PCDHGC4: variants seen among roughly 807,000 people sequenced by gnomAD.
The protein encoded by PCDHGC4 is protocadherin gamma-C4.
PCDHGC4 carries 15 observed loss-of-function variants against 59.7 expected under a neutral mutation model. The observed-to-expected ratio is 0.25, with a 90% CI of 0.17 to 0.39. The LOEUF (loss-of-function observed/expected upper bound fraction) is 0.39. Ranked by LOEUF, PCDHGC4 falls within the 10% of genes least tolerant of loss-of-function variation. PCDHGC4 has a pLI of 1.00. For synonymous variants in PCDHGC4, 434 were observed against 481.4 expected, an observed-to-expected ratio of 0.90 and a Z score of 1.29; for missense variants, 1,016 against 1,189.5, an observed-to-expected ratio of 0.85 and a Z score of 2.15.
chr5:141,507,075 C>T (rs1006779614), intron 3 of PCDHGC4: 25 of 152,176 alleles, frequency 1.6e-4, no homozygotes, highest in Admixed American at 1.1e-3. Context: ...CCTGGCTCAA[C>T]TCCTAAGTTT....
In PCDHGC4 at chr5:141,487,086, TCCCACCACAGAAG is replaced by T. The variant is rs2099639456; in HGVS notation, c.1915_1927del (p.Pro639TrpfsTer5). 6.2e-7 allele frequency: 1 copy of T among 1,613,822 alleles called. No homozygotes were observed. ...ACGGCTGTTCCTATCCCAGCTGACC[TCCCACCACAGAAG>T]CTGGTCATTGTGGTAAAGGATAGTG... On this transcript the variant is annotated frameshift_variant, in exon 1 of 4. Coordinates refer to ENST00000306593, the MANE Select transcript of PCDHGC4 (RefSeq NM_018928.3). LOFTEE classifies it high-confidence loss of function. The surrounding 1 kb of genome is among the most constrained non-coding windows in gnomAD (Gnocchi z 5.0).
chr5:141,490,793 C>T lies in PCDHGC4; in HGVS notation c.2442+3178C>T, dbSNP rs2233608. 6 of 1,613,812 alleles carry T rather than the reference C, an allele frequency of 3.7e-6. No homozygotes were observed. The East Asian group carries it at 1.3e-4, about 36-fold the overall frequency. On this transcript the variant is annotated intron_variant, in intron 1 of 3. Transcript: ENST00000306593. This position sits in a 1 kb window ranked among gnomAD's most constrained non-coding sequence, Gnocchi z 5.4. Reference sequence around the variant, plus strand: ...AACCCAGAGGATGGACGGATCTTTGCCCAGCGTACCTTTGACTATGAATTG... The same window carrying T: ...AACCCAGAGGATGGACGGATCTTTGTCCAGCGTACCTTTGACTATGAATTG...
Position 141,490,850 on chromosome 5 carries a change from G to A in PCDHGC4, c.2442+3235G>A, listed in dbSNP as rs374508743. The A allele has an allele frequency of 7.2e-5, 116 of 1,613,706 alleles. No homozygotes were observed. The highest frequency in any genetic ancestry group is 9.5e-5 in the Non-Finnish European group (112 of 1,179,902). ...ATGCTGCAGATTGTGGTGGGGGTTC[G>A]AGACTCCGGCTCTCCCCCATTGCAT... On this transcript the variant is annotated intron_variant, in intron 1 of 3. Transcript: ENST00000306593. This position sits in a 1 kb window ranked among gnomAD's most constrained non-coding sequence, Gnocchi z 5.4.
At chr5:141,507,121 G>A (rs940889204) in intron 3 of PCDHGC4, 1 of 152,126 alleles carries the variant, frequency 6.6e-6, no homozygotes, top group African/African-American at 2.4e-5. Flanking sequence ...GGCTGCCTTT[G>A]GATCCAGCCT....
Position 141,511,035 on chromosome 5 carries a change from C to A in PCDHGC4, c.2679C>A (p.His893Gln). Residue 893 changes from histidine to glutamine, a missense_variant, in exon 4 of 4, where the codon CAC becomes CAA. Physicochemically the swap from His to Gln is conservative, Grantham distance 24 (BLOSUM62 0). Transcript: ENST00000306593. The stretch of plus-strand genomic sequence containing the variant: ...ACGGACCCCAGTTCACCCTGCAGCA[C>A]GTGCCCGACTACCGCCAGAATGTCT... ...ARYGPQFTLQ[H>Q]VPDYRQNVYI... 2 of 1,614,208 alleles carry A rather than the reference C, an allele frequency of 1.2e-6. No individual in the cohort carries two copies. The highest frequency in any genetic ancestry group is 1.1e-5 in the South Asian group (1 of 91,088).
At chr5:141,495,010 G>T (rs1327870362) in intron 2 of PCDHGC4, 145 bp downstream of exon 2, 1 of 1,516,970 alleles carries the variant, frequency 6.6e-7, no homozygotes, top group Non-Finnish European at 8.9e-7. Flanking sequence ...GTGTGCGGGG[G>T]GCTGGCACAC....
chr5:141,495,005 C>CG (rs2099758180), intron 2 of PCDHGC4, 140 bp downstream of exon 2: 6 of 1,522,802 alleles, frequency 3.9e-6, no homozygotes, highest in Admixed American at 2.0e-5. Context: ...TCTTGGTGTG[C>CG]GGGGGGCTGG....
At position 141,489,545 on chromosome 5, in the gene PCDHGC4, G is replaced by A. The variant is rs1396651116; in HGVS notation, c.2442+1930G>A. On this transcript the variant is annotated intron_variant, in intron 1 of 3. Transcript: ENST00000306593. The surrounding 1 kb of genome is among the most constrained non-coding windows in gnomAD (Gnocchi z 4.5). ...AGCCTATGTGGAGCCAGCACCAGCT[G>A]CCTGCTGCCAGTGCAGGTGGTGACT... 3 of 1,613,984 alleles carry A rather than the reference G, an allele frequency of 1.9e-6. No individual in the cohort carries two copies. The highest frequency in any genetic ancestry group is 2.5e-6 in the Non-Finnish European group (3 of 1,180,022).
chr5:141,508,091 GCCC>G (rs2099866180), intron 3 of PCDHGC4: 1 of 152,482 alleles, frequency 6.6e-6, no homozygotes, highest in Non-Finnish European at 1.5e-5. Flanking sequence ...TGCTGCCTTG[GCCC>G]TGGGATGGGG....
At chr5:141,509,544 A>AT (rs1312201678) in intron 3 of PCDHGC4, among the ~76,000 whole-genome samples, 1 of 152,150 alleles carries the variant, frequency 6.6e-6, no homozygotes, top group Non-Finnish European at 1.5e-5. Context: ...GCACCATCTC[A>AT]TTTAGTCCTC....
chr5:141,489,101 T>G lies in PCDHGC4; in HGVS notation c.2442+1486T>G. 1 of 398,408 alleles carries G rather than the reference T, an allele frequency of 2.5e-6. No homozygotes were observed. Among genetic ancestry groups the G allele is most frequent in the Non-Finnish European group, 4.5e-6 (1 of 223,328 alleles). The allele number at this position is 398,408 out of a possible 1,614,324, so 24.7% of individuals were successfully genotyped here. On this transcript the variant is annotated intron_variant, in intron 1 of 3. Transcript: ENST00000306593. The surrounding 1 kb of genome is among the most constrained non-coding windows in gnomAD (Gnocchi z 4.5). Reference sequence around the variant, plus strand: ...CCGCCACTCGGTGACTAAGAACTGCTGCAAGCAGGCAAACCTCCGAGCAGT... The same window carrying G: ...CCGCCACTCGGTGACTAAGAACTGCGGCAAGCAGGCAAACCTCCGAGCAGT...
intron 2 of PCDHGC4, among the ~76,000 whole-genome samples, chr5:141,496,410 A>G (rs77823969): frequency 0.019 from 2,839 of 152,308 alleles, 40 homozygotes; most frequent in Middle Eastern, 0.082. Context: ...ATGGTTGAGT[A>G]CTTGCTGTCC....
chr5:141,511,230 C>A lies in PCDHGC4; in HGVS notation c.*57C>A. On this transcript the variant is annotated 3_prime_UTR_variant, in exon 4 of 4. Transcript: ENST00000306593. ...CCTCTCCCCAACCAGCCCAGCTTCT[C>A]CTTACCTGCACCCAGGCCTCAGAGT... 6.3e-7 allele frequency: 1 copy of A among 1,597,914 alleles called. No homozygotes were observed. The highest frequency in any genetic ancestry group is 1.1e-5 in the South Asian group (1 of 89,144).
intron 2 of PCDHGC4, 143 bp downstream of exon 2, chr5:141,495,008 G>A (rs2099758236): frequency 6.6e-7 from 1 of 1,521,900 alleles, no homozygotes; most frequent in Non-Finnish European, 8.8e-7. Context: ...TGGTGTGCGG[G>A]GGGCTGGCAC....
At position 141,489,505 on chromosome 5, in the gene PCDHGC4, A is replaced by G. The variant is rs1198371307; in HGVS notation, c.2442+1890A>G. On this transcript the variant is annotated intron_variant, in intron 1 of 3. Transcript: ENST00000306593. The surrounding 1 kb of genome is among the most constrained non-coding windows in gnomAD (Gnocchi z 4.5). ...GAGTGGTGCCCTGGCAGTGAATCAA[A>G]AGATTGACCGAGAAAGCCTATGTGG... The G allele has an allele frequency of 1.9e-6, 3 of 1,613,972 alleles. No homozygotes were observed. The Admixed American group carries it at 5.0e-5, about 27-fold the overall frequency.
chr5:141,494,815 G>T lies in PCDHGC4; in HGVS notation c.2451G>T (p.Pro817=). The change falls in exon 2 of 4, where the codon CCG becomes CCT. Residue 817 remains proline, a synonymous_variant. Transcript: ENST00000306593. ...CTCTGTTTTCTCCACAGCAAGCCCC[G>T]CCCAACACGGACTGGCGTTTCTCTC... The part of the protein sequence containing the change: ...SDLLYGLEQA[P]PNTDWRFSQA... 1.2e-6 allele frequency: 2 copies of T among 1,613,976 alleles called. No individual in the cohort carries two copies. The highest frequency in any genetic ancestry group is 1.1e-5 in the South Asian group (1 of 91,072).
At chr5:141,499,620 G>A (rs557854340) in intron 2 of PCDHGC4, among the ~76,000 whole-genome samples, 1 of 150,986 alleles carries the variant, frequency 6.6e-6, no homozygotes, top group Non-Finnish European at 1.5e-5. Context: ...TCCTGTCCTT[G>A]GATTCTTTTG....
At chr5:141,498,222 T>A (rs1258826914) in intron 2 of PCDHGC4, among the ~76,000 whole-genome samples, 1 of 152,218 alleles carries the variant, frequency 6.6e-6, no homozygotes, top group East Asian at 1.9e-4. Flanking sequence ...GCATTCCAGA[T>A]GGTCAGGCAT....
In PCDHGC4 at chr5:141,490,294, T is replaced by C. The variant is rs766906839; in HGVS notation, c.2442+2679T>C. ...CAATGACAATGCCCCAGAGGTGCTA[T>C]TGGCCTCTTTGGCCAACCCTGTCCT... On this transcript the variant is annotated intron_variant, in intron 1 of 3. Transcript: ENST00000306593. This position sits in a 1 kb window ranked among gnomAD's most constrained non-coding sequence, Gnocchi z 5.4. The C allele has an allele frequency of 5.6e-6, 9 of 1,614,104 alleles. No individual in the cohort carries two copies. The East Asian group carries it at 1.3e-4, about 24-fold the overall frequency.
Sources: gnomAD v4.1 joint callset for allele counts (sites outside exome capture counted in the v4.1 genomes callset) on GRCh38, gnomAD v4.1.1 for gene constraint, Gnocchi (gnomAD v3.1) non-coding constraint, MANE v1.5 for transcripts, NCBI Gene and HGNC (gene_info 2026-07-23, HGNC 2026-07-21) for gene names.